Variants in GALM observed in about 807,000 individuals in gnomAD.
GALM encodes the protein galactose mutarotase.
Under a neutral mutation model 37.4 loss-of-function variants are expected in GALM, and 43 were observed. The ratio of observed to expected loss-of-function variants is 1.15; its 90% confidence interval spans 0.90 to 1.48. The LOEUF is 1.48. Among genes scored for constraint, GALM ranks in the 40% most tolerant of loss-of-function variants. The pLI is 0.00. For synonymous variants in GALM, 199 were observed against 170.6 expected, an observed-to-expected ratio of 1.17 and a Z score of -1.30; for missense variants, 456 against 419.1, an observed-to-expected ratio of 1.09 and a Z score of -0.77.
At position 38,734,524 on chromosome 2, in the gene GALM, G is replaced by A. The variant is rs1328496789; in HGVS notation, c.*959G>A. ...CGGCCAACGCTTGGGAAGAAAGACAGGCAAGCACTGGAAACAGGAGCTATT... is the reference window on the plus strand; with the variant it reads ...CGGCCAACGCTTGGGAAGAAAGACAAGCAAGCACTGGAAACAGGAGCTATT... On this transcript the variant is annotated 3_prime_UTR_variant, in exon 7 of 7. Coordinates refer to ENST00000272252, the MANE Select transcript of GALM (RefSeq NM_138801.3). 1.3e-5 allele frequency: 2 copies of A among 152,110 alleles called. No individual in the cohort carries two copies. Among genetic ancestry groups the A allele is most frequent in the Non-Finnish European group, 2.9e-5 (2 of 68,204 alleles). The allele number at this position is 152,110 out of a possible 1,614,324, so 9.4% of individuals were successfully genotyped here.
intron 1 of GALM, among the ~76,000 whole-genome samples, chr2:38,671,657 G>A (rs562197183): frequency 6.6e-6 from 1 of 152,214 alleles, no homozygotes; most frequent in South Asian, 2.1e-4. Context: ...TGTTCTAAAG[G>A]GTTTTTCAGA....
intron 4 of GALM, among the ~76,000 whole-genome samples, chr2:38,728,020 T>G (rs1453505726): frequency 6.6e-6 from 1 of 152,204 alleles, no homozygotes; most frequent in Non-Finnish European, 1.5e-5. Context: ...GGAAAAATAA[T>G]TATCACCCTA....
chr2:38,691,261 A>C (rs1223900385), intron 4 of GALM, among the ~76,000 whole-genome samples: 1 of 152,234 alleles, frequency 6.6e-6, no homozygotes, highest in Non-Finnish European at 1.5e-5. Flanking sequence ...GATCAGATGA[A>C]AATCACAACA....
intron 1 of GALM, among the ~76,000 whole-genome samples, chr2:38,671,179 A>G (rs939853975): frequency 5.3e-5 from 8 of 152,214 alleles, no homozygotes; most frequent in South Asian, 2.1e-4. Flanking sequence ...TTCATGAAAA[A>G]TAGTATTTTC....
intron 3 of GALM, among the ~76,000 whole-genome samples, chr2:38,688,593 C>T (rs1475678797): frequency 6.6e-6 from 1 of 152,230 alleles, no homozygotes; most frequent in Non-Finnish European, 1.5e-5. Context: ...TTTAGCTCAT[C>T]TTTGAGCATT....
intron 4 of GALM, among the ~76,000 whole-genome samples, chr2:38,722,195 A>G (rs1572541935): frequency 1.3e-5 from 2 of 152,054 alleles, no homozygotes. Flanking sequence ...CCCTGTCTCT[A>G]CTAAGAAGTC....
chr2:38,728,717 C>CAAAAAT (rs1230622498), intron 4 of GALM, among the ~76,000 whole-genome samples: 20 of 68,182 alleles, frequency 2.9e-4, no homozygotes, highest in Admixed American at 2.7e-3. Flanking sequence ...AAAACAAAAA[C>CAAAAAT]TCAACCGTAA....
intron 3 of GALM, among the ~76,000 whole-genome samples, chr2:38,687,873 G>C (rs1051829943): frequency 6.6e-6 from 1 of 152,070 alleles, no homozygotes; most frequent in Non-Finnish European, 1.5e-5. Flanking sequence ...CAGTCTTTCA[G>C]ACCATAGAAT....
chr2:38,675,453 C>T (rs942167237), intron 1 of GALM, among the ~76,000 whole-genome samples: 2 of 150,736 alleles, frequency 1.3e-5, no homozygotes, highest in African/African-American at 4.9e-5. Context: ...CAAGATGTTA[C>T]CATGTGCAGC....
At position 38,689,008 on chromosome 2, in the gene GALM, C is replaced by T. The variant is rs948126386; in HGVS notation, c.553-805C>T. The stretch of plus-strand genomic sequence containing the variant: ...GCTAATTTTGTATTTTTAGTAGAGA[C>T]GGGGCTTCTTCTTTTTGGTCAGGCT... On this transcript the variant is annotated intron_variant, in intron 3 of 6. Coordinates refer to ENST00000272252, the MANE Select transcript of GALM (RefSeq NM_138801.3). Among the ~76,000 whole-genome samples the T allele has an allele frequency of 2.6e-5, 4 of 152,112 alleles. No homozygotes were observed. The South Asian group carries it at 6.2e-4, about 24-fold the overall frequency.
At chr2:38,677,698 C>T (rs920025305) in intron 2 of GALM, among the ~76,000 whole-genome samples, 1 of 152,166 alleles carries the variant, frequency 6.6e-6, no homozygotes, top group Non-Finnish European at 1.5e-5. Flanking sequence ...ACAGCAAAAT[C>T]GTGAGTGTAC....
rs1270058931 is a variant in GALM at position 38,729,566 on chromosome 2, C to T, written c.645C>T (p.Ala215=). ...DETLIPTGEV[A]PVQGTAFDLR... is the part of the protein sequence containing the mutation. ...GTCTCTTCCCATCAGGAGAAGTTGC[C>T]CCAGTGCAAGGCACTGCATTCGACC... is the stretch of plus-strand genomic sequence containing the variant. Residue 215 remains alanine, a synonymous_variant, in exon 5 of 7, where the codon GCC becomes GCT. Coordinates refer to ENST00000272252, the MANE Select transcript of GALM (RefSeq NM_138801.3). 5.0e-6 allele frequency: 8 copies of T among 1,612,946 alleles called. No homozygotes were observed. Among genetic ancestry groups the T allele is most frequent in the Non-Finnish European group, 6.8e-6 (8 of 1,179,402 alleles).
chr2:38,728,590 C>T (rs1174049367), intron 4 of GALM, among the ~76,000 whole-genome samples: 1 of 151,794 alleles, frequency 6.6e-6, no homozygotes, highest in Non-Finnish European at 1.5e-5. Context: ...GAGGCTGAGA[C>T]AGAAGAATCA....
intron 4 of GALM, among the ~76,000 whole-genome samples, chr2:38,691,656 T>G (rs1245106283): frequency 6.6e-6 from 1 of 151,470 alleles, no homozygotes; most frequent in African/African-American, 2.4e-5. Context: ...CACTCTACCC[T>G]GGGCAACAGA....
chr2:38,688,873 A>G, intron 3 of GALM, among the ~76,000 whole-genome samples: 1 of 152,024 alleles, frequency 6.6e-6, no homozygotes, highest in Non-Finnish European at 1.5e-5. Flanking sequence ...CTGGAGTGCA[A>G]TGGCACGCGC....
intron 4 of GALM, among the ~76,000 whole-genome samples, chr2:38,694,907 A>C (rs995342137): frequency 2.6e-5 from 4 of 151,032 alleles, no homozygotes; most frequent in Non-Finnish European, 5.9e-5. Flanking sequence ...AAAAAAAAAA[A>C]AAAAACAAAA....
In GALM at chr2:38,698,029, C is replaced by T. The variant is rs137993984; in HGVS notation, c.634+8135C>T. 7.1e-3 allele frequency among the ~76,000 whole-genome samples: 1,073 copies of T among 151,952 alleles called. 5 individuals are homozygous for T. Among genetic ancestry groups the T allele is most frequent in the African/African-American group, 0.018 (762 of 41,470 alleles). On this transcript the variant is annotated intron_variant, in intron 4 of 6. Transcript: ENST00000272252. ...TGCAGTCTCGGCCCACTGCAGCCTC[C>T]GCCTTCCGGGTTCAAATGATCCTCT...
At chr2:38,694,390 A>C (rs1305865976) in intron 4 of GALM, among the ~76,000 whole-genome samples, 1 of 152,164 alleles carries the variant, frequency 6.6e-6, no homozygotes, top group African/African-American at 2.4e-5. Flanking sequence ...GAGCCTCCCC[A>C]GTCCTCTCAC....
chr2:38,701,000 A>AT (rs1346333840), intron 4 of GALM, among the ~76,000 whole-genome samples: 1 of 152,136 alleles, frequency 6.6e-6, no homozygotes, highest in Non-Finnish European at 1.5e-5. Flanking sequence ...TCTAGTGGTG[A>AT]TGAATTCTGT....
Sources: allele counts gnomAD v4.1 joint callset (sites outside exome capture counted in the v4.1 genomes callset), GRCh38; gene constraint gnomAD v4.1.1; transcripts MANE v1.5; gene names NCBI Gene and HGNC (gene_info 2026-07-23, HGNC 2026-07-21).